Variants in LSM14A observed in about 807,000 individuals in gnomAD.
LSM14A encodes the protein LSM14A mRNA processing body assembly factor.
In LSM14A, 14 loss-of-function variants were observed where a neutral mutation model predicts 52.4. The ratio of observed to expected loss-of-function variants is 0.27; its 90% CI spans 0.18 to 0.42. LSM14A has a LOEUF of 0.42. LSM14A is among the 10% of genes least tolerant of loss of function. The pLI is 1.00. For missense variants in LSM14A, 417 were observed against 581.8 expected (o/e 0.72, Z 2.91); for synonymous variants, 185 against 200.3 (o/e 0.92, Z 0.64).
chr19:34,190,222 G>A (rs142152325), intron 1 of LSM14A, among the ~76,000 whole-genome samples: 2 of 152,008 alleles, frequency 1.3e-5, no homozygotes, highest in Non-Finnish European at 1.5e-5. Context: ...TCTCTCTTGT[G>A]GAATTTGTTC....
rs952891750 is a variant in LSM14A, at chr19:34,190,414, A to G, written c.122-4064A>G. 3.9e-5 allele frequency among the ~76,000 whole-genome samples: 6 copies of G among 152,130 alleles called. No homozygotes were observed. The South Asian group carries it at 1.2e-3, about 32-fold the overall frequency. On this transcript the variant is annotated intron_variant, in intron 1 of 9. Transcript: ENST00000544216. ...ATATGATAGAGGTTTTCTTCAGACC[A>G]TATTTTGGAAAGTATGCTCTTAGTT...
chr19:34,189,622 T>C (rs777398696), intron 1 of LSM14A, among the ~76,000 whole-genome samples: 10 of 151,908 alleles, frequency 6.6e-5, no homozygotes, highest in Non-Finnish European at 1.3e-4. Flanking sequence ...CTACGTGTTA[T>C]GAATGAAAAA....
At chr19:34,203,007 A>T (rs1326716450) in intron 3 of LSM14A, among the ~76,000 whole-genome samples, 1 of 152,168 alleles carries the variant, frequency 6.6e-6, no homozygotes, top group Admixed American at 6.5e-5. Context: ...AAGAGATTAG[A>T]TCATTACTGG....
At chr19:34,192,327 T>TTTTTTGTTTTTTTG (rs2070474512) in intron 1 of LSM14A, among the ~76,000 whole-genome samples, 1 of 121,966 alleles carries the variant, frequency 8.2e-6, no homozygotes, top group African/African-American at 2.9e-5. Flanking sequence ...TTGTTTTTTT[T>TTTTTTGTTTTTTTG]TTTTTTTTTT....
chr19:34,220,321 A>C (rs555322573), intron 8 of LSM14A, among the ~76,000 whole-genome samples: 1 of 152,216 alleles, frequency 6.6e-6, no homozygotes, highest in South Asian at 2.1e-4. Context: ...TAAATTATTC[A>C]TTCAAAAGAA....
intron 1 of LSM14A, among the ~76,000 whole-genome samples, chr19:34,186,888 G>A (rs1053939858): frequency 2.0e-5 from 3 of 151,872 alleles, no homozygotes; most frequent in African/African-American, 7.3e-5. Flanking sequence ...CAACAGACTC[G>A]TTTCTTTTTC....
At chr19:34,219,211 AT>A (rs1212292508) in intron 6 of LSM14A, among the ~76,000 whole-genome samples, 179 bp from the exon 7 acceptor site, 13 of 152,230 alleles carry the variant, frequency 8.5e-5, no homozygotes, top group African/African-American at 3.1e-4. Context: ...TACATATTAA[AT>A]ATTAGTGAAA....
intron 4 of LSM14A, among the ~76,000 whole-genome samples, chr19:34,214,730 G>A (rs2072446957): frequency 6.6e-6 from 1 of 152,066 alleles, no homozygotes; most frequent in Admixed American, 6.5e-5. Context: ...TAGTCTTATG[G>A]TTGTCATTGG....
At chr19:34,199,655 G>C (rs1396645001) in intron 3 of LSM14A, among the ~76,000 whole-genome samples, 2 of 152,116 alleles carry the variant, frequency 1.3e-5, no homozygotes, top group African/African-American at 2.4e-5. Flanking sequence ...AAAGGACCTA[G>C]AAACAATGGA....
chr19:34,211,297 T>TA (rs545445559), intron 4 of LSM14A, among the ~76,000 whole-genome samples: 2,706 of 141,624 alleles, frequency 0.019, 33 homozygotes, highest in South Asian at 0.037. Context: ...GACTCCATCT[T>TA]AAAAAAAAAA....
At chr19:34,173,155 G>A (rs1403004886) in intron 1 of LSM14A, among the ~76,000 whole-genome samples, 1 of 152,224 alleles carries the variant, frequency 6.6e-6, no homozygotes. Context: ...TCGCGGATGC[G>A]TTGACTACAC....
chr19:34,187,077 T>TAA (rs112578311), intron 1 of LSM14A, among the ~76,000 whole-genome samples: 81 of 145,816 alleles, frequency 5.6e-4, no homozygotes, highest in African/African-American at 1.4e-3. Flanking sequence ...GTCTCTAATT[T>TAA]AAAAAAAAAA....
rs371755118 is a variant in LSM14A, at chr19:34,188,912, G to A, written c.122-5566G>A. Among the ~76,000 whole-genome samples, 9 of 151,724 alleles carry A rather than the reference G, an allele frequency of 5.9e-5. No individual in the cohort carries two copies. The East Asian group carries it at 7.7e-4, about 13-fold the overall frequency. ...GGCATTTGGGTTGTTTCTACCATTT[G>A]GCTGTTTTGAATAATGCTGATATAA... On this transcript the variant is annotated intron_variant, in intron 1 of 9. Transcript: ENST00000544216.
chr19:34,227,593 G>A lies in LSM14A; in HGVS notation c.*205G>A. ...GGGTGGAAGGCTCATCTTAAAACAT[G>A]AGCATTAAATATATTTGGAATAGCA... On this transcript the variant is annotated 3_prime_UTR_variant, in exon 10 of 10. Transcript: ENST00000544216. The A allele has an allele frequency of 2.1e-6, 1 of 487,726 alleles. No homozygotes were observed. Among genetic ancestry groups the A allele is most frequent in the Non-Finnish European group, 3.6e-6 (1 of 275,026 alleles). The allele number at this position is 487,726 out of a possible 1,614,324, so 30.2% of individuals were successfully genotyped here.
chr19:34,218,963 A>T (rs996759196), intron 6 of LSM14A, among the ~76,000 whole-genome samples: 2 of 152,186 alleles, frequency 1.3e-5, no homozygotes, highest in African/African-American at 4.8e-5. Context: ...GGTTCCTGTT[A>T]TTCTTTCCAT....
intron 3 of LSM14A, among the ~76,000 whole-genome samples, chr19:34,205,964 A>G (rs1056162981): frequency 6.6e-6 from 1 of 152,194 alleles, no homozygotes; most frequent in African/African-American, 2.4e-5. Flanking sequence ...AGACGTCAGT[A>G]TAGACCTTAA....
At chr19:34,209,864 A>C (rs192816202) in intron 4 of LSM14A, among the ~76,000 whole-genome samples, 2 of 149,004 alleles carry the variant, frequency 1.3e-5, no homozygotes, top group Admixed American at 6.7e-5. Flanking sequence ...TTTTTTAAAG[A>C]TAGGTCTCAC....
chr19:34,179,991 C>T (rs1035337802), intron 1 of LSM14A, among the ~76,000 whole-genome samples: 5 of 152,194 alleles, frequency 3.3e-5, no homozygotes, highest in African/African-American at 9.7e-5. Flanking sequence ...TGCAGTGGCA[C>T]GATCACAGCC....
chr19:34,172,634 G>C lies in LSM14A; in HGVS notation c.-9G>C. ...TCTGCGAGCAGCTGGGAGCGGCGGC[G>C]GCGGCGCCATGAGCGGGGGCACCCC... On this transcript the variant is annotated 5_prime_UTR_variant, in exon 1 of 10. Coordinates refer to ENST00000544216, the MANE Select transcript of LSM14A (RefSeq NM_015578.4). 1.9e-6 allele frequency: 3 copies of C among 1,555,472 alleles called. No homozygotes were observed. The highest frequency in any genetic ancestry group is 2.6e-6 in the Non-Finnish European group (3 of 1,153,608).
Sources: allele counts gnomAD v4.1 joint callset (sites outside exome capture counted in the v4.1 genomes callset), GRCh38; gene constraint gnomAD v4.1.1; transcripts MANE v1.5; gene names NCBI Gene and HGNC (gene_info 2026-07-23, HGNC 2026-07-21).